The following CCSER1 variants were observed in gnomAD, a reference collection of about 807,000 sequenced individuals.
The protein encoded by CCSER1 is coiled-coil serine rich protein 1, also known as serine-rich coiled-coil domain-containing protein 1.
Under a neutral mutation model 82.0 loss-of-function variants are expected in CCSER1, and 41 were observed. The ratio of observed to expected loss-of-function variants is 0.50; its 90% CI spans 0.39 to 0.65. The LOEUF (loss-of-function observed/expected upper bound fraction) is 0.65. Among genes scored for constraint, CCSER1 ranks in the 30% least tolerant of loss-of-function variants. The pLI is 0.00. For synonymous variants in CCSER1, 414 were observed against 383.9 expected (o/e 1.08, Z -0.92); for missense variants, 1,119 against 1,064.2 (o/e 1.05, Z -0.72).
intron 10 of CCSER1, among the ~76,000 whole-genome samples, chr4:91,256,894 C>G (rs1160632203): frequency 6.6e-6 from 1 of 152,162 alleles, no homozygotes; most frequent in East Asian, 1.9e-4. Context: ...TCATGTCATG[C>G]TTCTTGGGTT....
intron 10 of CCSER1, among the ~76,000 whole-genome samples, chr4:91,198,179 ACTTTC>A (rs1363255702): frequency 1.3e-5 from 2 of 152,138 alleles, no homozygotes; most frequent in African/African-American, 2.4e-5. Flanking sequence ...ATTTTGCATT[ACTTTC>A]CTTTCTTAAG....
At position 90,197,094 on chromosome 4, in the gene CCSER1, C is replaced by G. The variant is rs556751320; in HGVS notation, c.-42+69263C>G. Among the ~76,000 whole-genome samples the G allele has an allele frequency of 1.2e-3, 184 of 152,270 alleles. 1 individual carries two copies. Among genetic ancestry groups the G allele is most frequent in the African/African-American group, 4.3e-3 (179 of 41,554 alleles). On this transcript the variant is annotated intron_variant, in intron 1 of 10. Coordinates refer to ENST00000509176, the MANE Select transcript of CCSER1 (RefSeq NM_001145065.2). ...TATAAATTAGGGTTCCCACGACCCC[C>G]TCCTTGGGCTTCATTAATTTGCCAG...
intron 10 of CCSER1, among the ~76,000 whole-genome samples, chr4:91,368,837 A>G (rs543665068): frequency 6.6e-6 from 1 of 152,308 alleles, no homozygotes; most frequent in East Asian, 1.9e-4. Flanking sequence ...CAGAACTAAC[A>G]ATGATTTTAT....
At chr4:91,353,876 C>T (rs958822640) in intron 10 of CCSER1, among the ~76,000 whole-genome samples, 6 of 152,124 alleles carry the variant, frequency 3.9e-5, no homozygotes, top group African/African-American at 1.4e-4. Flanking sequence ...AACATGGCTA[C>T]AGGATTGCAT....
At chr4:90,574,310 G>C (rs1261374442) in intron 5 of CCSER1, among the ~76,000 whole-genome samples, 6 of 127,440 alleles carry the variant, frequency 4.7e-5, no homozygotes, top group Non-Finnish European at 7.7e-5. Flanking sequence ...CGCACAGGCT[G>C]GACTGCGGAC....
intron 10 of CCSER1, among the ~76,000 whole-genome samples, chr4:91,516,255 T>C (rs1401825064): frequency 6.6e-6 from 1 of 152,194 alleles, no homozygotes; most frequent in Admixed American, 6.5e-5. Flanking sequence ...GCAATTGCTT[T>C]TGGCATCTTT....
At chr4:91,518,944 T>C (rs1158532471) in intron 10 of CCSER1, among the ~76,000 whole-genome samples, 1 of 152,214 alleles carries the variant, frequency 6.6e-6, no homozygotes, top group Non-Finnish European at 1.5e-5. Flanking sequence ...ATCCATGCAG[T>C]GGCTGCAGTG....
rs1189377183 is a variant in CCSER1, at chr4:91,603,435, G to GGAAAA, written c.*4382_*4386dup. On this transcript the variant is annotated 3_prime_UTR_variant, in exon 11 of 11. Coordinates refer to ENST00000509176, the MANE Select transcript of CCSER1 (RefSeq NM_001145065.2). Reference sequence around the variant, plus strand: ...AACACTCTGTGGTTGAATTACCTATGGAAAAGAATGAAGGCAGTTCACTCT... The same window carrying GGAAAA: ...AACACTCTGTGGTTGAATTACCTATGGAAAAGAAAAGAATGAAGGCAGTTCACTCT... The GGAAAA allele has an allele frequency of 6.6e-6, 1 of 151,980 alleles. No individual in the cohort carries two copies. Among genetic ancestry groups the GGAAAA allele is most frequent in the Non-Finnish European group, 1.5e-5 (1 of 67,958 alleles). 9.4% of individuals were successfully genotyped at this position (151,980 alleles called of 1,614,324 possible).
intron 10 of CCSER1, among the ~76,000 whole-genome samples, chr4:91,432,139 A>G (rs1754365946): frequency 6.6e-6 from 1 of 152,158 alleles, no homozygotes; most frequent in African/African-American, 2.4e-5. Flanking sequence ...GCTGCCTTGT[A>G]AAGAAGGTTC....
chr4:90,981,469 G>A (rs2219630), intron 9 of CCSER1, among the ~76,000 whole-genome samples: 35,137 of 151,638 alleles, frequency 0.23, 4,189 homozygotes, highest in Middle Eastern at 0.31. Context: ...AGATAATTAC[G>A]TTTAATCCCC....
At chr4:91,295,651 AT>A (rs143622593) in intron 10 of CCSER1, among the ~76,000 whole-genome samples, 21,162 of 151,894 alleles carry the variant, frequency 0.14, 1,605 homozygotes, top group South Asian at 0.18. Flanking sequence ...ATTCATGCAT[AT>A]GTGATATTGC....
intron 7 of CCSER1, among the ~76,000 whole-genome samples, chr4:90,792,263 T>G (rs1190773854): frequency 6.6e-6 from 1 of 152,180 alleles, no homozygotes; most frequent in Non-Finnish European, 1.5e-5. Context: ...TTTTGTATTC[T>G]TCTTCATTGT....
chr4:90,771,411 C>A (rs1245068031), intron 7 of CCSER1, among the ~76,000 whole-genome samples: 1 of 150,492 alleles, frequency 6.6e-6, no homozygotes, highest in Non-Finnish European at 1.5e-5. Flanking sequence ...ATGTATTGAC[C>A]CATTTATATC....
chr4:90,744,128 G>A (rs554454437), intron 7 of CCSER1, among the ~76,000 whole-genome samples: 1 of 152,284 alleles, frequency 6.6e-6, no homozygotes, highest in African/African-American at 2.4e-5. Flanking sequence ...AGTGACACTG[G>A]TTGTATTTGC....
chr4:90,534,137 T>C (rs1347208581), intron 5 of CCSER1, among the ~76,000 whole-genome samples: 1 of 152,192 alleles, frequency 6.6e-6, no homozygotes, highest in African/African-American at 2.4e-5. Flanking sequence ...TCTTTTTGTT[T>C]GTTTGTTTTT....
At chr4:91,120,466 AG>A (rs750459475) in intron 10 of CCSER1, among the ~76,000 whole-genome samples, 1 of 152,036 alleles carries the variant, frequency 6.6e-6, no homozygotes, top group Non-Finnish European at 1.5e-5. Flanking sequence ...GAAAAATCAA[AG>A]ATTATTGCAA....
chr4:91,509,649 A>G (rs1476745550), intron 10 of CCSER1, among the ~76,000 whole-genome samples: 1 of 152,054 alleles, frequency 6.6e-6, no homozygotes, highest in Non-Finnish European at 1.5e-5. Context: ...TCTATCCTTT[A>G]TTGAAAGTGA....
At chr4:90,954,907 T>C (rs958752614) in intron 9 of CCSER1, among the ~76,000 whole-genome samples, 3 of 152,196 alleles carry the variant, frequency 2.0e-5, no homozygotes, top group African/African-American at 7.2e-5. Flanking sequence ...TTCTTCTATA[T>C]ACATGTATGC....
At chr4:91,002,633 A>G (rs1267364571) in intron 9 of CCSER1, among the ~76,000 whole-genome samples, 1 of 152,010 alleles carries the variant, frequency 6.6e-6, no homozygotes. Context: ...CTTTCATTGA[A>G]TATTTTTCCC....
Sources: gnomAD v4.1 joint callset for allele counts (sites outside exome capture counted in the v4.1 genomes callset) on GRCh38, gnomAD v4.1.1 for gene constraint, MANE v1.5 for transcripts, NCBI Gene and HGNC (gene_info 2026-07-23, HGNC 2026-07-21) for gene names.